RASA3: variants seen among roughly 807,000 people sequenced by gnomAD.
The protein encoded by RASA3 is ras GTPase-activating protein 3.
Under a neutral mutation model 110.0 loss-of-function variants are expected in RASA3, and 73 were observed. The ratio of observed to expected loss-of-function variants is 0.66; its 90% CI spans 0.55 to 0.81. The LOEUF is 0.81. Ranked by LOEUF, RASA3 falls within the 30% of genes least tolerant of loss-of-function variation. The probability of loss-of-function intolerance (pLI) is 0.00; values close to 1 mark genes in which losing one functional copy is unlikely to be tolerated. For synonymous variants in RASA3, 500 were observed against 451.4 expected, an observed-to-expected ratio of 1.11 and a Z score of -1.37; for missense variants, 976 against 1,113.2, an observed-to-expected ratio of 0.88 and a Z score of 1.75.
chr13:114,021,785 C>G (rs957694976), intron 8 of RASA3, among the ~76,000 whole-genome samples: 1 of 152,152 alleles, frequency 6.6e-6, no homozygotes, highest in African/African-American at 2.4e-5. Flanking sequence ...TAGGAGGGAG[C>G]CTGGGCATCG....
intron 17 of RASA3, among the ~76,000 whole-genome samples, chr13:114,008,489 G>T (rs1255067001): frequency 1.7e-4 from 2 of 11,628 alleles, no homozygotes; most frequent in Admixed American, 7.7e-4. Flanking sequence ...GGGGCCTGGA[G>T]GTTGCCCCCA....
Position 114,056,236 on chromosome 13 carries a change from G to A in RASA3, c.174-4081C>T, listed in dbSNP as rs1187622399. Reference sequence around the variant, plus strand: ...CCAGTGCGTGTCCAATGCGTGTCTGGTGAGTGGTGAGTGTCTGGTGTGTGT... The same window carrying A: ...CCAGTGCGTGTCCAATGCGTGTCTGATGAGTGGTGAGTGTCTGGTGTGTGT... On this transcript the variant is annotated intron_variant, in intron 2 of 23. Transcript: ENST00000334062. The surrounding 1 kb of genome is among the most constrained non-coding windows in gnomAD (Gnocchi z 5.7). Among the ~76,000 whole-genome samples, 3 of 152,336 alleles carry A rather than the reference G, an allele frequency of 2.0e-5. No individual in the cohort carries two copies. The highest frequency in any genetic ancestry group is 7.2e-5 in the African/African-American group (3 of 41,570).
intron 1 of RASA3, among the ~76,000 whole-genome samples, chr13:114,119,363 G>A (rs961425070): frequency 1.4e-4 from 22 of 152,206 alleles, no homozygotes; most frequent in African/African-American, 5.3e-4. Context: ...ACTGATTCCA[G>A]ACGGATGGGA....
intron 4 of RASA3, among the ~76,000 whole-genome samples, chr13:114,039,391 C>T (rs750651220): frequency 4.4e-4 from 67 of 152,030 alleles, no homozygotes; most frequent in Non-Finnish European, 8.5e-4. Flanking sequence ...ACCCAGGAAG[C>T]CCTCCCGCGT....
chr13:114,123,543 G>C (rs1431546030), intron 1 of RASA3, among the ~76,000 whole-genome samples: 1 of 152,232 alleles, frequency 6.6e-6, no homozygotes, highest in Admixed American at 6.5e-5. Flanking sequence ...TTCAGACCCG[G>C]GCTGCAGCTT....
chr13:114,073,693 G>T, intron 2 of RASA3, 27 bp downstream of exon 2: 1 of 1,548,356 alleles, frequency 6.5e-7, no homozygotes, highest in Non-Finnish European at 8.9e-7. Context: ...ACACATCAGT[G>T]CCAAGTAAAG....
chr13:114,016,167 G>T, intron 13 of RASA3, 30 bp downstream of exon 13: 1 of 1,534,346 alleles, frequency 6.5e-7, no homozygotes, highest in Non-Finnish European at 9.0e-7. Context: ...GCAGGTGACT[G>T]GCTTTGGTTG....
intron 22 of RASA3, among the ~76,000 whole-genome samples, chr13:113,984,158 G>A (rs1203141418): frequency 2.0e-5 from 1 of 50,590 alleles, no homozygotes; most frequent in African/African-American, 6.5e-5. Context: ...CTCACTCCTC[G>A]GTCCATCCAC....
At chr13:113,992,443 C>G (rs1450019193) in intron 22 of RASA3, 42 bp downstream of exon 22, 25 of 1,531,542 alleles carry the variant, frequency 1.6e-5, no homozygotes, top group Non-Finnish European at 2.3e-5. Context: ...GCCTCGCCAG[C>G]CATCCCCTCG....
At chr13:113,989,246 T>TA (rs2053044539) in intron 22 of RASA3, among the ~76,000 whole-genome samples, 1 of 104,440 alleles carries the variant, frequency 9.6e-6, no homozygotes, top group Non-Finnish European at 2.0e-5. Flanking sequence ...TCCACCCATC[T>TA]CTCACCCATC....
chr13:114,127,101 C>T (rs117975777), intron 1 of RASA3, among the ~76,000 whole-genome samples: 6,120 of 152,342 alleles, frequency 0.04, 172 homozygotes, highest in Non-Finnish European at 0.066. Context: ...TAAAACATGA[C>T]GCGCCACCTG....
chr13:114,079,014 T>C (rs1335209519), intron 1 of RASA3, among the ~76,000 whole-genome samples: 1 of 152,240 alleles, frequency 6.6e-6, no homozygotes, highest in Non-Finnish European at 1.5e-5. Flanking sequence ...TGGCCTCATG[T>C]ACTGCTCAAC....
chr13:114,029,973 G>T, intron 4 of RASA3, 86 bp from the exon 5 acceptor site: 1 of 1,292,256 alleles, frequency 7.7e-7, no homozygotes, highest in Non-Finnish European at 1.1e-6. Context: ...AAGCCTAGAG[G>T]GCAAAGGGAG....
chr13:114,119,447 C>T (rs2080335298), intron 1 of RASA3, among the ~76,000 whole-genome samples: 5 of 151,930 alleles, frequency 3.3e-5, no homozygotes, highest in African/African-American at 1.2e-4. Flanking sequence ...GCCGATCGCT[C>T]AGGATCCCCC....
chr13:114,058,702 G>A (rs2079287812), intron 2 of RASA3, among the ~76,000 whole-genome samples: 1 of 152,234 alleles, frequency 6.6e-6, no homozygotes, highest in African/African-American at 2.4e-5. Context: ...TGGGCACCCT[G>A]GACTATGCCG....
At chr13:114,018,542 G>C (rs1594331746) in intron 10 of RASA3, among the ~76,000 whole-genome samples, 1 of 152,178 alleles carries the variant, frequency 6.6e-6, no homozygotes, top group Non-Finnish European at 1.5e-5. Flanking sequence ...AACCCGGAGA[G>C]TCCTTAGCAT....
intron 1 of RASA3, among the ~76,000 whole-genome samples, chr13:114,092,747 CT>C (rs1277299146): frequency 6.6e-6 from 1 of 152,176 alleles, no homozygotes; most frequent in African/African-American, 2.4e-5. Flanking sequence ...CTTCCCGTTG[CT>C]GAAAGTGGGG....
chr13:114,012,576 T>C (rs2053659083), intron 15 of RASA3, among the ~76,000 whole-genome samples: 7 of 100,760 alleles, frequency 6.9e-5, no homozygotes, highest in African/African-American at 1.2e-4. Context: ...CCACACACAC[T>C]CCCCATTCCA....
In RASA3 at chr13:114,124,574, A is replaced by G. The variant is rs114666872; in HGVS notation, c.55+7861T>C. 4.0e-3 allele frequency among the ~76,000 whole-genome samples: 605 copies of G among 152,326 alleles called. 3 individuals carry two copies. Among genetic ancestry groups the G allele is most frequent in the African/African-American group, 0.014 (577 of 41,574 alleles). On this transcript the variant is annotated intron_variant, in intron 1 of 23. Coordinates refer to ENST00000334062, the MANE Select transcript of RASA3 (RefSeq NM_007368.4). ...CCAGAGAGACCCTGAACCATCTGTC[A>G]CAGGTGACGTAACCCTCAGTTCCCC...
Sources: gnomAD v4.1 joint callset for allele counts (sites outside exome capture counted in the v4.1 genomes callset) on GRCh38, gnomAD v4.1.1 for gene constraint, Gnocchi (gnomAD v3.1) non-coding constraint, MANE v1.5 for transcripts, NCBI Gene and HGNC (gene_info 2026-07-23, HGNC 2026-07-21) for gene names.